DHX8: variants seen among roughly 807,000 people sequenced by gnomAD.
DHX8 encodes the protein DEAH-box helicase 8.
In DHX8, 67 loss-of-function variants were observed where a neutral mutation model predicts 140.7. The observed-to-expected ratio is 0.48, with a 90% confidence interval of 0.39 to 0.58. DHX8 has a LOEUF of 0.58. Ranked by LOEUF, DHX8 falls within the 20% of genes least tolerant of loss-of-function variation. DHX8 has a pLI of 0.00. For synonymous variants in DHX8, 533 were observed against 553.2 expected, an observed-to-expected ratio of 0.96 and a Z score of 0.51; for missense variants, 887 against 1,550.7, an observed-to-expected ratio of 0.57 and a Z score of 7.19.
intron 2 of DHX8, chr17:43,533,715 C>T: frequency 9.6e-7 from 1 of 1,040,936 alleles, no homozygotes; most frequent in Non-Finnish European, 1.4e-6. Context: ...AAATCCTTAG[C>T]TGTATTGCTT....
At chr17:43,530,045 C>A, downstream of DHX8, 1 of 1,609,004 alleles carries the variant, frequency 6.2e-7, no homozygotes. Context: ...GAGACCCTCC[C>A]CCATGGCAGC....
intron 16 of DHX8, among the ~76,000 whole-genome samples, chr17:43,508,855 G>T (rs1207521369): frequency 6.6e-6 from 1 of 151,934 alleles, no homozygotes; most frequent in African/African-American, 2.4e-5. Flanking sequence ...TCCTGACCTC[G>T]TGATCCGCCC....
intron 16 of DHX8, among the ~76,000 whole-genome samples, chr17:43,510,760 C>A (rs1046238388): frequency 1.2e-4 from 18 of 152,114 alleles, no homozygotes; most frequent in Admixed American, 4.6e-4. Context: ...AAATGCTGTA[C>A]CCTTTAGCAG....
intron 3 of DHX8, among the ~76,000 whole-genome samples, chr17:43,541,061 C>G (rs1440639845): frequency 1.3e-5 from 2 of 152,112 alleles, no homozygotes; most frequent in Admixed American, 6.5e-5. Flanking sequence ...AACCAGGGAC[C>G]CCTCCAGGCC....
Position 43,525,350 on chromosome 17 carries a change from T to A in DHX8, c.*1503T>A. ...ACATTCCAGGATATAAAGGAATGTA[T>A]GTTGTCACTGGGCAGCAAACCACAC... On this transcript the variant is annotated 3_prime_UTR_variant, in exon 23 of 23. Transcript: ENST00000262415. 1 of 982,480 alleles carries A rather than the reference T, an allele frequency of 1.0e-6. No individual in the cohort carries two copies. Among genetic ancestry groups the A allele is most frequent in the Non-Finnish European group, 1.2e-6 (1 of 827,254 alleles). 60.9% of individuals were successfully genotyped at this position (982,480 alleles called of 1,614,324 possible).
At position 43,487,520 on chromosome 17, in the gene DHX8, AT is replaced by A. The variant is rs561487439; in HGVS notation, c.149-1924del. The stretch of plus-strand genomic sequence containing the variant: ...AGATGCATACCACCACCCCCGGCTG[AT>A]TTTTGTATTTTTTGTAGAGATGGTG... On this transcript the variant is annotated intron_variant, in intron 1 of 22. Coordinates refer to ENST00000262415, the MANE Select transcript of DHX8 (RefSeq NM_004941.3). Among the ~76,000 whole-genome samples, 25 of 152,226 alleles carry A rather than the reference AT, an allele frequency of 1.6e-4. No individual in the cohort carries two copies. The South Asian group carries it at 4.6e-3, about 28-fold the overall frequency.
Position 43,525,018 on chromosome 17 carries a change from C to A in DHX8, c.*1171C>A. ...TGTGCTGCCCAGGCTGCTCTCCAAT[C>A]CCTGGCGTCAAGCAATCCTCCTGCC... On this transcript the variant is annotated 3_prime_UTR_variant, in exon 23 of 23. Transcript: ENST00000262415. The A allele has an allele frequency of 1.0e-6, 1 of 984,962 alleles. No homozygotes were observed. The highest frequency in any genetic ancestry group is 4.7e-5 in the South Asian group (1 of 21,254). The allele number at this position is 984,962 out of a possible 1,614,324, so 61.0% of individuals were successfully genotyped here. A position where few individuals can be genotyped will look rare whatever the true frequency, so the allele number is the denominator to read the frequency against.
intron 11 of DHX8, among the ~76,000 whole-genome samples, chr17:43,503,040 C>G (rs202061037): frequency 6.6e-6 from 1 of 151,834 alleles, no homozygotes; most frequent in Non-Finnish European, 1.5e-5. Context: ...TTTTGCTCCT[C>G]AAGCCACAAT....
Position 43,504,691 on chromosome 17 carries a change from C to T in DHX8, c.1594C>T (p.Pro532Ser), listed in dbSNP as rs747984391. Residue 532 changes from proline (P) to serine (S), a missense_variant, in exon 12 of 23, where the codon CCC becomes TCC. By Grantham distance (74) the Pro-to-Ser change is moderately conservative. Transcript: ENST00000262415. Reference protein sequence around the residue: ...AANMRGIGMMPNDIPEWKKHA... With the variant: ...AANMRGIGMMSNDIPEWKKHA... ...CAACATGAGGGGTATTGGGATGATGCCCAATGATATTCCTGAGTGGAAGAA... is the reference window on the plus strand; with the variant it reads ...CAACATGAGGGGTATTGGGATGATGTCCAATGATATTCCTGAGTGGAAGAA... 2.5e-6 allele frequency: 4 copies of T among 1,613,830 alleles called. No homozygotes were observed. The highest frequency in any genetic ancestry group is 3.4e-6 in the Non-Finnish European group (4 of 1,179,994).
intron 9 of DHX8, among the ~76,000 whole-genome samples, chr17:43,497,754 T>TA (rs554514679): frequency 1.3e-3 from 190 of 147,188 alleles, no homozygotes; most frequent in African/African-American, 3.7e-3. Flanking sequence ...CACCCTGTCT[T>TA]AAAAAAAAAA....
At chr17:43,511,010 A>G (rs1300572419) in intron 16 of DHX8, among the ~76,000 whole-genome samples, 1 of 152,206 alleles carries the variant, frequency 6.6e-6, no homozygotes, top group Non-Finnish European at 1.5e-5. Flanking sequence ...TGGGCACAAC[A>G]CATTTTGTTT....
Position 43,524,244 on chromosome 17 carries a change from C to T in DHX8, c.*397C>T. On this transcript the variant is annotated 3_prime_UTR_variant, in exon 23 of 23. Transcript: ENST00000262415. ...ACTGTGCTCATCTAAAGTGTTTGCC[C>T]CACTTCCCACCCCGTCTCCAGCCCC... The T allele has an allele frequency of 9.7e-7, 1 of 1,032,476 alleles. No individual in the cohort carries two copies. The highest frequency in any genetic ancestry group is 1.2e-6 in the Non-Finnish European group (1 of 858,826). 64.0% of individuals were successfully genotyped at this position (1,032,476 alleles called of 1,614,324 possible). A position where few individuals can be genotyped will look rare whatever the true frequency, so the allele number is the denominator to read the frequency against.
At chr17:43,532,447 A>G (rs1746862393) in intron 2 of DHX8, among the ~76,000 whole-genome samples, 1 of 152,058 alleles carries the variant, frequency 6.6e-6, no homozygotes, top group African/African-American at 2.4e-5. Context: ...TGCAGTGAGC[A>G]GAGATCGTGC....
At chr17:43,493,988 C>A in intron 8 of DHX8, 102 bp downstream of exon 8, 1 of 1,117,400 alleles carries the variant, frequency 8.9e-7, no homozygotes, top group South Asian at 1.4e-5. Context: ...CTTTTGGCCA[C>A]TGTATTAGTC....
At chr17:43,484,736 G>T (rs1968029351) in intron 1 of DHX8, among the ~76,000 whole-genome samples, 1 of 152,072 alleles carries the variant, frequency 6.6e-6, no homozygotes. Context: ...CCACCTCCTG[G>T]GCTCAAGCAG....
In DHX8 at chr17:43,498,847, T is replaced by TG; in HGVS notation, c.1301-9dup. On this transcript the variant is annotated splice_polypyrimidine_tract_variant and intron_variant, in intron 9 of 22. Coordinates refer to ENST00000262415, the MANE Select transcript of DHX8 (RefSeq NM_004941.3). Reference sequence around the variant, plus strand: ...TCTTGTTTATGGCTAATTCTTCTTTTGGGGGGACTTTTAGATGAGGACCTT... The same window carrying TG: ...TCTTGTTTATGGCTAATTCTTCTTTTGGGGGGGACTTTTAGATGAGGACCTT... 1.3e-6 allele frequency: 2 copies of TG among 1,582,746 alleles called. No homozygotes were observed. The highest frequency in any genetic ancestry group is 1.8e-5 in the Admixed American group (1 of 54,064).
intron 11 of DHX8, among the ~76,000 whole-genome samples, chr17:43,502,160 T>C (rs925696787): frequency 2.0e-5 from 3 of 152,258 alleles, no homozygotes; most frequent in Non-Finnish European, 2.9e-5. Flanking sequence ...CAGTGTAGAA[T>C]TGAGTATAAG....
At chr17:43,515,759 GAC>G (rs1447846140) in intron 17 of DHX8, among the ~76,000 whole-genome samples, 2 of 152,138 alleles carry the variant, frequency 1.3e-5, no homozygotes, top group African/African-American at 4.8e-5. Flanking sequence ...TTTGGAGAGA[GAC>G]ATGTGTAGAA....
At chr17:43,517,559 G>A (rs1463439676) in intron 18 of DHX8, 5 of 487,618 alleles carry the variant, frequency 1.0e-5, no homozygotes, top group Non-Finnish European at 1.8e-5. Context: ...AGGATATTAG[G>A]TTGTAAAAGG....
Sources: gnomAD v4.1 joint callset for allele counts (sites outside exome capture counted in the v4.1 genomes callset) on GRCh38, gnomAD v4.1.1 for gene constraint, MANE v1.5 for transcripts, NCBI Gene and HGNC (gene_info 2026-07-23, HGNC 2026-07-21) for gene names.